Variants in C17orf99 observed in about 807,000 individuals in gnomAD.
C17orf99 encodes the protein chromosome 17 open reading frame 99, also known as protein IL-40.
In C17orf99, 18 loss-of-function variants were observed where a neutral mutation model predicts 22.6. The observed-to-expected ratio is 0.80, with a 90% confidence interval of 0.55 to 1.18. The LOEUF (loss-of-function observed/expected upper bound fraction) is 1.18. Among genes scored for constraint, C17orf99 ranks in the 50% most tolerant of loss-of-function variants. The probability of loss-of-function intolerance (pLI) is 0.00; values close to 1 mark genes in which losing one functional copy is unlikely to be tolerated. For synonymous variants in C17orf99, 147 were observed against 136.6 expected (o/e 1.08, Z -0.53); for missense variants, 328 against 342.7 (o/e 0.96, Z 0.34).
intron 4 of C17orf99, chr17:78,165,073 G>A (rs1431479974): frequency 1.1e-5 from 12 of 1,053,014 alleles, no homozygotes; most frequent in East Asian, 1.1e-4. Flanking sequence ...GGTGGCAAGA[G>A]CCTGGGGCCC....
At chr17:78,153,867 C>T (rs1024541985) in intron 2 of C17orf99, among the ~76,000 whole-genome samples, 3 of 146,152 alleles carry the variant, frequency 2.1e-5, no homozygotes, top group Non-Finnish European at 3.0e-5. Context: ...TTCTTCAAAT[C>T]GAAGATTTTT....
chr17:78,165,094 G>C, intron 4 of C17orf99: 1 of 1,051,842 alleles, frequency 9.5e-7, no homozygotes, highest in Non-Finnish European at 1.1e-6. Flanking sequence ...AGCCTCCCAG[G>C]GTCCCCTCTC....
Position 78,146,641 on chromosome 17 carries a change from C to A in C17orf99, c.37+197C>A, listed in dbSNP as rs1358196096. Among the ~76,000 whole-genome samples the A allele has an allele frequency of 2.0e-5, 3 of 152,118 alleles. No individual in the cohort carries two copies. The highest frequency in any genetic ancestry group is 2.9e-5 in the Non-Finnish European group (2 of 68,016). On this transcript the variant is annotated intron_variant, in intron 1 of 4. Coordinates refer to ENST00000340363, the MANE Select transcript of C17orf99 (RefSeq NM_001163075.2). This position sits in a 1 kb window ranked among gnomAD's most constrained non-coding sequence, Gnocchi z 5.2. ...TGCTGTATATGTGGTCCAGGGATTT[C>A]TGCACCATTCTGGGCTCACTACTTA...
intron 2 of C17orf99, among the ~76,000 whole-genome samples, chr17:78,153,895 G>C (rs1157297439): frequency 6.9e-6 from 1 of 144,906 alleles, no homozygotes; most frequent in East Asian, 2.0e-4. Flanking sequence ...AGCCTGTTTA[G>C]GGAAAAAAAA....
At chr17:78,152,303 G>A (rs1296424886) in intron 2 of C17orf99, among the ~76,000 whole-genome samples, 2 of 149,110 alleles carry the variant, frequency 1.3e-5, no homozygotes. Context: ...TCAGCCTCCT[G>A]AGTAGCTGGT....
intron 2 of C17orf99, chr17:78,157,470 C>A (rs188774887): frequency 7.7e-7 from 1 of 1,303,050 alleles, no homozygotes; most frequent in Non-Finnish European, 1.1e-6. Flanking sequence ...AGGGCCTCAG[C>A]GACCTTCCCA....
At position 78,148,659 on chromosome 17, in the gene C17orf99, G is replaced by C. The variant is rs76262411; in HGVS notation, c.70+1748G>C. ...AGTTTGGGAAGGGGCCGTGCAGCAA[G>C]GACCCGAAGGAGCCGACCGAGCAGG... On this transcript the variant is annotated intron_variant, in intron 2 of 4. Transcript: ENST00000340363. Among the ~76,000 whole-genome samples, 839 of 152,290 alleles carry C rather than the reference G, an allele frequency of 5.5e-3. 2 individuals are homozygous for C. The highest frequency in any genetic ancestry group is 7.7e-3 in the Non-Finnish European group (522 of 68,014).
At chr17:78,157,938 C>T (rs2075541587) in intron 2 of C17orf99, 1 of 1,151,572 alleles carries the variant, frequency 8.7e-7, no homozygotes, top group African/African-American at 1.5e-5. Context: ...GACATCTTTA[C>T]TGGGAAGAAA....
chr17:78,158,605 CAATT>C (rs2075548145), intron 2 of C17orf99: 1 of 162,294 alleles, frequency 6.2e-6, no homozygotes, highest in Admixed American at 6.3e-5. Flanking sequence ...TCCTCCTACA[CAATT>C]TATTTGATGT....
upstream of C17orf99, among the ~76,000 whole-genome samples, chr17:78,145,798 T>C (rs2075433482): frequency 6.7e-6 from 1 of 149,370 alleles, no homozygotes; most frequent in Non-Finnish European, 1.5e-5. Flanking sequence ...ACATCTTTTT[T>C]TTTTTTTTTT....
Position 78,146,516 on chromosome 17 carries a change from T to G in C17orf99, c.37+72T>G. The G allele has an allele frequency of 1.5e-6, 2 of 1,378,054 alleles. No individual in the cohort carries two copies. The highest frequency in any genetic ancestry group is 1.4e-5 in the African/African-American group (1 of 69,738). The allele number at this position is 1,378,054 out of a possible 1,614,324, so 85.4% of individuals were successfully genotyped here. On this transcript the variant is annotated intron_variant, in intron 1 of 4. Coordinates refer to ENST00000340363, the MANE Select transcript of C17orf99 (RefSeq NM_001163075.2). The surrounding 1 kb of genome is among the most constrained non-coding windows in gnomAD (Gnocchi z 5.2). ...AGGTCTTGGGCTCAGGTGGGGGTAC[T>G]GGGAGCACAGGAGAGATGAGGCCTG...
At chr17:78,149,858 T>G (rs562199821) in intron 2 of C17orf99, among the ~76,000 whole-genome samples, 3 of 150,874 alleles carry the variant, frequency 2.0e-5, no homozygotes, top group Non-Finnish European at 3.0e-5. Context: ...TACAGGCACA[T>G]GCCACCACGC....
chr17:78,146,113 C>T (rs1019753770), upstream of C17orf99, among the ~76,000 whole-genome samples: 2 of 152,160 alleles, frequency 1.3e-5, no homozygotes, highest in African/African-American at 4.8e-5. This position sits in a 1 kb window ranked among gnomAD's most constrained non-coding sequence, Gnocchi z 5.2. Flanking sequence ...CTGCCCACCA[C>T]GTGAGCCCGG....
chr17:78,157,326 AGCAGCGGCG>A (rs2075533922), intron 2 of C17orf99: 9 of 593,812 alleles, frequency 1.5e-5, no homozygotes, highest in Admixed American at 1.5e-4. Flanking sequence ...ACCTGTGTTC[AGCAGCGGCG>A]GCGGCGGCGG....
intron 2 of C17orf99, among the ~76,000 whole-genome samples, chr17:78,147,894 G>A (rs1203929132): frequency 3.9e-5 from 6 of 152,178 alleles, no homozygotes; most frequent in Middle Eastern, 3.2e-3. Context: ...GCTGGCTCCC[G>A]ACTTCTCTGA....
At chr17:78,158,089 T>A (rs981684695) in intron 2 of C17orf99, 6 of 990,490 alleles carry the variant, frequency 6.1e-6, no homozygotes, top group Non-Finnish European at 7.9e-6. Flanking sequence ...TTCGTCTGCA[T>A]GAGGGAGACC....
At chr17:78,148,665 G>A (rs1265603207) in intron 2 of C17orf99, among the ~76,000 whole-genome samples, 4 of 152,144 alleles carry the variant, frequency 2.6e-5, no homozygotes, top group Non-Finnish European at 2.9e-5. Context: ...GCAAGGACCC[G>A]AAGGAGCCGA....
chr17:78,161,880 G>A (rs968994259), intron 3 of C17orf99, among the ~76,000 whole-genome samples: 4 of 151,906 alleles, frequency 2.6e-5, no homozygotes, highest in African/African-American at 9.7e-5. Flanking sequence ...AGTTAGGCAC[G>A]TTTTGTGCAT....
chr17:78,165,876 C>G lies in C17orf99; in HGVS notation c.641-13C>G. Reference sequence around the variant, plus strand: ...TGAGCCTGCCTGACTTGAGTCTCCACTGCTTTGTCAAGGTGGTGACCAGAA... The same window carrying G: ...TGAGCCTGCCTGACTTGAGTCTCCAGTGCTTTGTCAAGGTGGTGACCAGAA... On this transcript the variant is annotated splice_polypyrimidine_tract_variant and intron_variant, in intron 4 of 4. Transcript: ENST00000340363. The G allele has an allele frequency of 7.6e-7, 1 of 1,324,462 alleles. No individual in the cohort carries two copies. The highest frequency in any genetic ancestry group is 3.2e-5 in the Admixed American group (1 of 31,336). 82.0% of individuals were successfully genotyped at this position (1,324,462 alleles called of 1,614,324 possible).
Sources: allele counts gnomAD v4.1 joint callset (sites outside exome capture counted in the v4.1 genomes callset), GRCh38; gene constraint gnomAD v4.1.1; non-coding constraint Gnocchi (gnomAD v3.1); transcripts MANE v1.5; gene names NCBI Gene and HGNC (gene_info 2026-07-23, HGNC 2026-07-21).